TENM3: variants seen among roughly 807,000 people sequenced by gnomAD.
TENM3 encodes teneurin-3.
TENM3 carries 63 observed loss-of-function variants against 255.1 expected under a neutral mutation model. The ratio of observed to expected loss-of-function variants is 0.25; its 90% CI spans 0.20 to 0.30. The LOEUF (loss-of-function observed/expected upper bound fraction) is 0.30. TENM3 is among the 10% of genes least tolerant of loss of function. TENM3 has a pLI of 1.00. For missense variants in TENM3, 2,929 were observed against 3,461.1 expected, an observed-to-expected ratio of 0.85 and a Z score of 3.86; for synonymous variants, 1,306 against 1,322.3, an observed-to-expected ratio of 0.99 and a Z score of 0.27.
chr4:182,103,528 A>G, the TENM3 span, among the ~76,000 whole-genome samples: 96 of 152,354 alleles, frequency 6.3e-4, 2 homozygotes, highest in African/African-American at 2.2e-3. Context: ...CAGGGAACAT[A>G]CAATTCATGG....
the TENM3 span, among the ~76,000 whole-genome samples, chr4:182,070,643 G>A: frequency 6.6e-6 from 1 of 152,072 alleles, no homozygotes; most frequent in African/African-American, 2.4e-5. Context: ...CATATACACA[G>A]AAGAAAAACA....
At chr4:181,662,332 A>C in the TENM3 span, among the ~76,000 whole-genome samples, 1 of 152,078 alleles carries the variant, frequency 6.6e-6, no homozygotes, top group Admixed American at 6.6e-5. Context: ...TAAATGAGTT[A>C]TTTTCATTTG....
chr4:182,187,175 G>A (rs953662481), intron 1 of TENM3, among the ~76,000 whole-genome samples: 1 of 151,930 alleles, frequency 6.6e-6, no homozygotes, highest in African/African-American at 2.4e-5. Context: ...GGTATTTAAA[G>A]TATAAACAAA....
the TENM3 span, among the ~76,000 whole-genome samples, chr4:182,047,560 CAAA>C: frequency 1.4e-5 from 1 of 72,324 alleles, no homozygotes; most frequent in Non-Finnish European, 2.5e-5. Flanking sequence ...GACTCCATCT[CAAA>C]AAAAAAAAAA....
intron 3 of TENM3, among the ~76,000 whole-genome samples, chr4:182,500,265 T>A (rs1161482084): frequency 6.6e-6 from 1 of 152,104 alleles, no homozygotes; most frequent in African/African-American, 2.4e-5. Flanking sequence ...GACAAGTAAA[T>A]GAGTTCATGG....
the TENM3 span, among the ~76,000 whole-genome samples, chr4:181,737,693 T>C: frequency 6.6e-6 from 1 of 151,986 alleles, no homozygotes; most frequent in Non-Finnish European, 1.5e-5. Context: ...ATTCCTGAGG[T>C]AAATAACTTG....
chr4:181,496,685 C>T, the TENM3 span, among the ~76,000 whole-genome samples: 5 of 152,292 alleles, frequency 3.3e-5, no homozygotes, highest in East Asian at 7.7e-4. Flanking sequence ...ATGCAATATG[C>T]ACGTGCCAAA....
At chr4:181,618,866 T>C in the TENM3 span, among the ~76,000 whole-genome samples, 1 of 152,218 alleles carries the variant, frequency 6.6e-6, no homozygotes, top group Non-Finnish European at 1.5e-5. Context: ...GAATGCCAAC[T>C]CAACAAAGTG....
chr4:182,141,436 G>C (rs1395666003), upstream of TENM3: 1 of 152,244 alleles, frequency 6.6e-6, no homozygotes, highest in Non-Finnish European at 1.5e-5. Flanking sequence ...GTGGTAGTTT[G>C]GCACTGCACA....
At chr4:182,794,221 C>T (rs1328701273) in intron 26 of TENM3, among the ~76,000 whole-genome samples, 3 of 152,212 alleles carry the variant, frequency 2.0e-5, no homozygotes, top group Admixed American at 2.0e-4. Flanking sequence ...GCTCCTCTCC[C>T]ACAAGTTGTG....
intron 1 of TENM3, among the ~76,000 whole-genome samples, chr4:182,271,679 C>T (rs1333865298): frequency 2.0e-5 from 3 of 152,284 alleles, no homozygotes. Flanking sequence ...GATATTTTTA[C>T]GGGGCTTCCC....
intron 3 of TENM3, among the ~76,000 whole-genome samples, chr4:182,419,181 C>T (rs752297461): frequency 1.3e-5 from 2 of 152,106 alleles, no homozygotes; most frequent in Non-Finnish European, 2.9e-5. Flanking sequence ...TCTTATTGAA[C>T]TTTTATATAA....
At chr4:182,327,314 T>A (rs1033458098) in intron 2 of TENM3, among the ~76,000 whole-genome samples, 1 of 152,146 alleles carries the variant, frequency 6.6e-6, no homozygotes, top group Non-Finnish European at 1.5e-5. Flanking sequence ...CTAATTTAGC[T>A]TTTTTTGTCC....
chr4:181,839,384 T>TATATACACAC, the TENM3 span, among the ~76,000 whole-genome samples: 407 of 83,414 alleles, frequency 4.9e-3, 23 homozygotes, highest in East Asian at 0.032. Context: ...TATATATATA[T>TATATACACAC]ACACCTATAT....
At chr4:182,322,318 C>T (rs1285014588) in intron 1 of TENM3, among the ~76,000 whole-genome samples, 2 of 152,128 alleles carry the variant, frequency 1.3e-5, no homozygotes, top group African/African-American at 2.4e-5. Context: ...GTAGCCATAT[C>T]GGTATTTGGA....
chr4:182,425,253 G>A (rs1771116588), intron 3 of TENM3, among the ~76,000 whole-genome samples: 1 of 152,120 alleles, frequency 6.6e-6, no homozygotes, highest in African/African-American at 2.4e-5. Context: ...GGAGCAATAT[G>A]TTCATTATTT....
intron 22 of TENM3, among the ~76,000 whole-genome samples, chr4:182,760,699 T>G (rs576184451): frequency 6.6e-6 from 1 of 152,296 alleles, no homozygotes; most frequent in African/African-American, 2.4e-5. Flanking sequence ...CTCCGGCTTC[T>G]CATTTGGGTG....
chr4:181,530,373 G>A, the TENM3 span, among the ~76,000 whole-genome samples: 1 of 152,176 alleles, frequency 6.6e-6, no homozygotes. Context: ...GCGTGGAGGT[G>A]GCCAGCCTTT....
the TENM3 span, among the ~76,000 whole-genome samples, chr4:181,650,834 G>C: frequency 1.3e-5 from 2 of 152,208 alleles, no homozygotes; most frequent in African/African-American, 4.8e-5. Context: ...ATGTTACAGA[G>C]TATTTGGAAA....
Sources: allele counts gnomAD v4.1 joint callset (sites outside exome capture counted in the v4.1 genomes callset), GRCh38; gene constraint gnomAD v4.1.1; transcripts MANE v1.5; gene names NCBI Gene and HGNC (gene_info 2026-07-23, HGNC 2026-07-21).